The following MROH2A variants were observed in gnomAD, a reference collection of about 807,000 sequenced individuals.
The protein encoded by MROH2A is maestro heat like repeat family member 2A, also known as maestro heat-like repeat-containing protein family member 2A.
In MROH2A, 174 loss-of-function variants were observed where a neutral mutation model predicts 200.4. The ratio of observed to expected loss-of-function variants is 0.87; its 90% CI spans 0.77 to 0.98. MROH2A has a LOEUF of 0.98. MROH2A is among the 50% of genes least tolerant of loss of function. The pLI, the probability that MROH2A is intolerant of heterozygous loss-of-function variation, is 0.00. For missense variants in MROH2A, 2,045 were observed against 2,139.6 expected, an observed-to-expected ratio of 0.96 and a Z score of 0.87; for synonymous variants, 829 against 840.4, an observed-to-expected ratio of 0.99 and a Z score of 0.23.
At chr2:233,781,242 A>G (rs1575887256) in intron 3 of MROH2A, among the ~76,000 whole-genome samples, 1 of 152,124 alleles carries the variant, frequency 6.6e-6, no homozygotes, top group East Asian at 1.9e-4. Context: ...TTTCTTTTGG[A>G]TACACACCCA....
intron 26 of MROH2A, among the ~76,000 whole-genome samples, chr2:233,816,569 T>G (rs1438976389): frequency 6.6e-6 from 1 of 152,210 alleles, no homozygotes; most frequent in Non-Finnish European, 1.5e-5. Context: ...CCAGGCCAAA[T>G]GCAACAGCCA....
rs376755822 is a variant in MROH2A, at chr2:233,800,264, C to T, written c.1509C>T (p.Val503=). ...TGGAGGAGAGGATGGTCCACAAAGTCACCATGGACACTGTGAAGATCATTA... is the reference window on the plus strand; with the variant it reads ...TGGAGGAGAGGATGGTCCACAAAGTTACCATGGACACTGTGAAGATCATTA... The part of the protein sequence containing the change: ...RDLEERMVHK[V]TMDTVKIITS... The change falls in exon 14 of 42, where the codon GTC becomes GTT. Residue 503 remains valine (V), a synonymous_variant. Coordinates refer to ENST00000389758, the MANE Select transcript of MROH2A (RefSeq NM_001394639.1). The T allele has an allele frequency of 2.6e-6, 4 of 1,550,274 alleles. No individual in the cohort carries two copies. The African/African-American group carries it at 5.5e-5, about 21-fold the overall frequency.
intron 5 of MROH2A, among the ~76,000 whole-genome samples, chr2:233,792,107 C>T (rs952791689): frequency 2.0e-5 from 3 of 152,068 alleles, no homozygotes; most frequent in Admixed American, 6.5e-5. Context: ...GTTTGTGGGA[C>T]CCCTGAAGGA....
Position 233,795,984 on chromosome 2 carries a change from G to A in MROH2A, c.1077G>A (p.Pro359=), listed in dbSNP as rs772866630. ...ELHVQVCNKA[P]AQHQYSSQNL... ...CTCACCAGGTGTGCAACAAGGCCCC[G>A]GCCCAGCATCAGTACAGCAGCCAGA... Residue 359 remains proline (P), a synonymous_variant, in exon 10 of 42, where the codon CCG becomes CCA. Coordinates refer to ENST00000389758, the MANE Select transcript of MROH2A (RefSeq NM_001394639.1). 1.2e-5 allele frequency: 18 copies of A among 1,550,458 alleles called. No individual in the cohort carries two copies. In the South Asian group the frequency reaches 1.3e-4, roughly 11 times the overall value.
chr2:233,805,105 G>C lies in MROH2A; in HGVS notation c.2046G>C (p.Leu682=), dbSNP rs1305490338. The C allele has an allele frequency of 1.9e-6, 3 of 1,548,488 alleles. No homozygotes were observed. The highest frequency in any genetic ancestry group is 2.6e-6 in the Non-Finnish European group (3 of 1,145,524). ...NQIASFDSPS[L]EKGFLYRALG... Reference sequence around the variant, plus strand: ...TTGCGAGCTTTGACAGCCCCTCTCTGGAGAAGGTTTGTCTTCATAGGGACA... The same window carrying C: ...TTGCGAGCTTTGACAGCCCCTCTCTCGAGAAGGTTTGTCTTCATAGGGACA... Residue 682 remains leucine, a synonymous_variant, in exon 19 of 42, where the codon CTG becomes CTC. Transcript: ENST00000389758.
At chr2:233,789,770 G>T in intron 4 of MROH2A, 82 bp from the exon 5 acceptor site, 1 of 1,492,392 alleles carries the variant, frequency 6.7e-7, no homozygotes, top group Non-Finnish European at 9.0e-7. Context: ...ACCAGGAGGG[G>T]TGGAGAGAGC....
chr2:233,822,199 C>T lies in MROH2A; in HGVS notation c.3588C>T (p.Gly1196=). ...GGACCATGCTCCACAGCCTGATGGGCCGGCTGCAGTCACGGCTCAGCCCCA... is the reference window on the plus strand; with the variant it reads ...GGACCATGCTCCACAGCCTGATGGGTCGGCTGCAGTCACGGCTCAGCCCCA... ...FARTMLHSLM[G]RLQSRLSPRI... is the part of the protein sequence containing the mutation. Residue 1196 remains glycine (G), a synonymous_variant, in exon 32 of 42, where the codon GGC becomes GGT. Coordinates refer to ENST00000389758, the MANE Select transcript of MROH2A (RefSeq NM_001394639.1). 6.5e-7 allele frequency: 1 copy of T among 1,549,208 alleles called. No homozygotes were observed.
At chr2:233,796,754 G>A (rs1281695696) in intron 11 of MROH2A, among the ~76,000 whole-genome samples, 1 of 152,154 alleles carries the variant, frequency 6.6e-6, no homozygotes, top group African/African-American at 2.4e-5. Flanking sequence ...CTCTGCCTTT[G>A]TGTGAATTTG....
intron 35 of MROH2A, among the ~76,000 whole-genome samples, chr2:233,827,644 C>T (rs556657829): frequency 7.9e-5 from 12 of 151,912 alleles, no homozygotes; most frequent in Non-Finnish European, 1.2e-4. Flanking sequence ...GGTGATGGGT[C>T]GATAGGTGCA....
rs1474149164 is a variant in MROH2A, at chr2:233,794,522, G to C, written c.966+16G>C. 1 of 1,394,190 alleles carries C rather than the reference G, an allele frequency of 7.2e-7. No homozygotes were observed. Among genetic ancestry groups the C allele is most frequent in the East Asian group, 2.5e-5 (1 of 40,188 alleles). 86.4% of individuals were successfully genotyped at this position (1,394,190 alleles called of 1,614,324 possible). A position where few individuals can be genotyped will look rare whatever the true frequency, so the allele number is the denominator to read the frequency against. ...CGTCACGCAGGCGAGTGGCCAGGCAGCCACGGCTCTGGGCAGGAGGCTTAG... is the reference window on the plus strand; with the variant it reads ...CGTCACGCAGGCGAGTGGCCAGGCACCCACGGCTCTGGGCAGGAGGCTTAG... On this transcript the variant is annotated intron_variant, in intron 8 of 41. Coordinates refer to ENST00000389758, the MANE Select transcript of MROH2A (RefSeq NM_001394639.1).
Position 233,779,787 on chromosome 2 carries a change from G to C in MROH2A, c.211G>C (p.Glu71Gln). 6.4e-7 allele frequency: 1 copy of C among 1,550,776 alleles called. No homozygotes were observed. The highest frequency in any genetic ancestry group is 1.2e-5 in the South Asian group (1 of 84,058). Residue 71 changes from glutamate (E) to glutamine (Q), a missense_variant, in exon 3 of 42, where the codon GAG (glutamate) becomes CAG (glutamine). This residue lies in a region of MROH2A where 831 missense variants were observed against 800.0 expected (regional missense o/e 1.04). Coordinates refer to ENST00000389758, the MANE Select transcript of MROH2A (RefSeq NM_001394639.1). ...GACCCTGGCCTCGGTGATAATCATG[G>C]AGAAGGCCACCACTGAGCCTTCTGT... Reference protein sequence around the residue: ...RKTLASVIIMEKATTEPSVVI... With the variant: ...RKTLASVIIMQKATTEPSVVI...
chr2:233,808,792 G>A lies in MROH2A; in HGVS notation c.2296-334G>A, dbSNP rs141342211. Among the ~76,000 whole-genome samples, 811 of 152,286 alleles carry A rather than the reference G, an allele frequency of 5.3e-3. 7 individuals carry two copies. Among genetic ancestry groups the A allele is most frequent in the African/African-American group, 0.019 (775 of 41,560 alleles). ...CATAGCCGGTGCCTGGTAGGTGAAGGTATGAGGTGTGCAAGCAGCCTCTGT... is the reference window on the plus strand; with the variant it reads ...CATAGCCGGTGCCTGGTAGGTGAAGATATGAGGTGTGCAAGCAGCCTCTGT... On this transcript the variant is annotated intron_variant, in intron 21 of 41. Coordinates refer to ENST00000389758, the MANE Select transcript of MROH2A (RefSeq NM_001394639.1).
At chr2:233,790,314 C>A (rs561647400) in intron 5 of MROH2A, among the ~76,000 whole-genome samples, 6 of 144,976 alleles carry the variant, frequency 4.1e-5, no homozygotes, top group African/African-American at 1.3e-4. Flanking sequence ...CTTCCTCTTT[C>A]GTTTCCTTTT....
chr2:233,784,650 T>C (rs1266947513), intron 3 of MROH2A, among the ~76,000 whole-genome samples: 2 of 152,176 alleles, frequency 1.3e-5, no homozygotes, highest in Non-Finnish European at 2.9e-5. Context: ...TGGCGCCTCC[T>C]CTGTCTCGCC....
At chr2:233,796,453 G>T in intron 11 of MROH2A, 140 bp downstream of exon 11, 2 of 611,836 alleles carry the variant, frequency 3.3e-6, no homozygotes, top group South Asian at 4.0e-5. Context: ...CAAGGTTCTT[G>T]GCTGCTTTGC....
rs1355270900 is a variant in MROH2A, at chr2:233,828,184, C to CA, written c.4114-445dup. Among the ~76,000 whole-genome samples the CA allele has an allele frequency of 6.6e-6, 1 of 152,150 alleles. No individual in the cohort carries two copies. The highest frequency in any genetic ancestry group is 2.4e-5 in the African/African-American group (1 of 41,430). On this transcript the variant is annotated intron_variant, in intron 35 of 41. Coordinates refer to ENST00000389758, the MANE Select transcript of MROH2A (RefSeq NM_001394639.1). This position sits in a 1 kb window ranked among gnomAD's most constrained non-coding sequence, Gnocchi z 4.6. ...TCTTTCAAACATACTCAGGTACTTGCATGCACACATGTACACACATGTACA... is the reference window on the plus strand; with the variant it reads ...TCTTTCAAACATACTCAGGTACTTGCAATGCACACATGTACACACATGTACA...
rs1336487007 is a variant in MROH2A, at chr2:233,831,545, G to A, written c.4734+5G>A. On this transcript the variant is annotated splice_donor_5th_base_variant and intron_variant, in intron 39 of 41. Coordinates refer to ENST00000389758, the MANE Select transcript of MROH2A (RefSeq NM_001394639.1). ...ACAACCATGTGCTCCATCCTGGTGA[G>A]GAAGCCAAAGGGGGAACCAGCCCGT... 2.6e-6 allele frequency: 4 copies of A among 1,548,042 alleles called. No homozygotes were observed. The highest frequency in any genetic ancestry group is 2.6e-6 in the Non-Finnish European group (3 of 1,145,896).
intron 25 of MROH2A, 146 bp from the exon 26 acceptor site, chr2:233,814,436 A>T (rs1468706281): frequency 3.4e-6 from 2 of 595,252 alleles, no homozygotes; most frequent in African/African-American, 3.8e-5. Flanking sequence ...CTTGTACTTC[A>T]CTTGAGAAAA....
Position 233,793,834 on chromosome 2 carries a change from A to T in MROH2A, c.822+10A>T. 7.2e-7 allele frequency: 1 copy of T among 1,394,602 alleles called. No individual in the cohort carries two copies. The allele number at this position is 1,394,602 out of a possible 1,614,324, so 86.4% of individuals were successfully genotyped here. A position where few individuals can be genotyped will look rare whatever the true frequency, so the allele number is the denominator to read the frequency against. ...GCACTACAACCCCGAGGTGAGATGCACCCCTCTTAGGAGGGCCTGGTGGTC... is the reference window on the plus strand; with the variant it reads ...GCACTACAACCCCGAGGTGAGATGCTCCCCTCTTAGGAGGGCCTGGTGGTC... On this transcript the variant is annotated intron_variant, in intron 7 of 41. Transcript: ENST00000389758.
Sources: gnomAD v4.1 joint callset for allele counts (sites outside exome capture counted in the v4.1 genomes callset) on GRCh38, gnomAD v4.1.1 for gene constraint, gnomAD v4.1.1 regional missense constraint, Gnocchi (gnomAD v3.1) non-coding constraint, MANE v1.5 for transcripts, NCBI Gene and HGNC (gene_info 2026-07-23, HGNC 2026-07-21) for gene names.